IQCJ: variants seen among roughly 807,000 people sequenced by gnomAD.
IQCJ encodes IQ motif containing J, also known as IQ domain-containing protein J.
A neutral mutation model predicts 11.0 loss-of-function variants in IQCJ; 9 were observed. The ratio of observed to expected loss-of-function variants is 0.82; its 90% CI spans 0.49 to 1.43. The LOEUF (loss-of-function observed/expected upper bound fraction) is 1.43. IQCJ is among the 40% of genes most tolerant of loss of function. The probability of loss-of-function intolerance (pLI) is 0.00; values close to 1 mark genes in which losing one functional copy is unlikely to be tolerated. For synonymous variants in IQCJ, 55 were observed against 51.3 expected (o/e 1.07, Z -0.31); for missense variants, 146 against 133.2 (o/e 1.10, Z -0.47).
At chr3:159,144,641 TACAC>T in intron 1 of IQCJ, among the ~76,000 whole-genome samples, 1 of 82,734 alleles carries the variant, frequency 1.2e-5, no homozygotes, top group East Asian at 6.5e-4. Context: ...TATCTAGACG[TACAC>T]ACACATACAC....
At chr3:159,234,186 C>T (rs1323965665) in intron 1 of IQCJ, among the ~76,000 whole-genome samples, 4 of 152,006 alleles carry the variant, frequency 2.6e-5, no homozygotes, top group African/African-American at 9.7e-5. Flanking sequence ...TTTTCTTATC[C>T]AAGAAATGGG....
intron 1 of IQCJ, among the ~76,000 whole-genome samples, chr3:159,215,964 A>C (rs906347536): frequency 5.9e-5 from 9 of 151,946 alleles, no homozygotes; most frequent in Non-Finnish European, 1.3e-4. Flanking sequence ...ACATTATATT[A>C]GGAAATGTCT....
At chr3:159,206,802 A>G (rs1426041593) in intron 1 of IQCJ, among the ~76,000 whole-genome samples, 1 of 152,144 alleles carries the variant, frequency 6.6e-6, no homozygotes, top group Non-Finnish European at 1.5e-5. Flanking sequence ...CAACCAAAGA[A>G]CTCTGATAGC....
chr3:159,256,243 GCT>G (rs1491570868), intron 3 of IQCJ, among the ~76,000 whole-genome samples: 3 of 152,060 alleles, frequency 2.0e-5, no homozygotes, highest in Non-Finnish European at 4.4e-5. Flanking sequence ...AATACAAATT[GCT>G]TTTTTGAAAG....
chr3:159,142,233 T>G (rs1322644270), intron 1 of IQCJ, among the ~76,000 whole-genome samples: 2 of 152,166 alleles, frequency 1.3e-5, no homozygotes, highest in Non-Finnish European at 2.9e-5. Flanking sequence ...GAACTGAACA[T>G]GGTAAATCTA....
chr3:159,178,792 A>G (rs1304690253), intron 1 of IQCJ, among the ~76,000 whole-genome samples: 1 of 152,128 alleles, frequency 6.6e-6, no homozygotes, highest in East Asian at 1.9e-4. Context: ...GTTGTAGGAG[A>G]AAACAGGAGG....
intron 1 of IQCJ, among the ~76,000 whole-genome samples, chr3:159,095,098 A>T (rs1432512709): frequency 6.6e-6 from 1 of 151,804 alleles, no homozygotes; most frequent in Non-Finnish European, 1.5e-5. Flanking sequence ...TTCTATAGTT[A>T]TTATTATACT....
At chr3:159,241,061 T>TA (rs1482166024) in intron 1 of IQCJ, among the ~76,000 whole-genome samples, 2 of 152,114 alleles carry the variant, frequency 1.3e-5, no homozygotes, top group Non-Finnish European at 2.9e-5. Context: ...TTTACTTGTA[T>TA]AAAAAACAAC....
At chr3:159,216,265 T>C (rs1725229285) in intron 1 of IQCJ, among the ~76,000 whole-genome samples, 2 of 152,140 alleles carry the variant, frequency 1.3e-5, no homozygotes, top group Admixed American at 6.5e-5. Context: ...TCCTTCTTTT[T>C]AAATTGTCTG....
At chr3:159,083,599 C>T (rs2108062619) in intron 1 of IQCJ, among the ~76,000 whole-genome samples, 1 of 152,230 alleles carries the variant, frequency 6.6e-6, no homozygotes, top group South Asian at 2.1e-4. Context: ...AGTATAATTG[C>T]ACTGTTGGAC....
intron 1 of IQCJ, among the ~76,000 whole-genome samples, chr3:159,070,831 G>A (rs905638028): frequency 6.6e-6 from 1 of 151,952 alleles, no homozygotes; most frequent in African/African-American, 2.4e-5. Context: ...CTTGTTAAGT[G>A]GAGCAGATTA....
At chr3:159,150,944 G>T (rs375171386) in intron 1 of IQCJ, among the ~76,000 whole-genome samples, 3 of 152,264 alleles carry the variant, frequency 2.0e-5, no homozygotes, top group East Asian at 3.9e-4. Context: ...ATTGCAGCCC[G>T]TGCCATCCCC....
At chr3:159,205,846 G>T (rs1724629003) in intron 1 of IQCJ, among the ~76,000 whole-genome samples, 1 of 152,138 alleles carries the variant, frequency 6.6e-6, no homozygotes, top group Non-Finnish European at 1.5e-5. Context: ...ATTATAAAAT[G>T]CTTCAAGTTT....
At chr3:159,095,950 A>G (rs1411804627) in intron 1 of IQCJ, among the ~76,000 whole-genome samples, 3 of 8,682 alleles carry the variant, frequency 3.5e-4, no homozygotes, top group African/African-American at 1.8e-3. Context: ...ACTGACTTCC[A>G]CAATGGTTGA....
chr3:159,199,210 G>A (rs1246707443), intron 1 of IQCJ, among the ~76,000 whole-genome samples: 34 of 152,172 alleles, frequency 2.2e-4, no homozygotes, highest in Non-Finnish European at 1.5e-5. Flanking sequence ...CTAAGACCAG[G>A]AGATTATTCT....
chr3:159,190,474 G>A (rs2108038471), intron 1 of IQCJ, among the ~76,000 whole-genome samples: 1 of 152,326 alleles, frequency 6.6e-6, no homozygotes, highest in African/African-American at 2.4e-5. Context: ...GTGTTAAGGT[G>A]AAGCTGAGGA....
At chr3:159,212,278 G>A (rs1724998143) in intron 1 of IQCJ, among the ~76,000 whole-genome samples, 1 of 152,130 alleles carries the variant, frequency 6.6e-6, no homozygotes, top group African/African-American at 2.4e-5. Flanking sequence ...GAGTACTTGT[G>A]TTTGAGTCCT....
chr3:159,168,954 A>G (rs1394928338), intron 1 of IQCJ, among the ~76,000 whole-genome samples: 2 of 141,010 alleles, frequency 1.4e-5, no homozygotes, highest in Non-Finnish European at 3.1e-5. Flanking sequence ...CATCATTCTC[A>G]TGACGATGAA....
intron 1 of IQCJ, among the ~76,000 whole-genome samples, chr3:159,142,428 C>A (rs1374304701): frequency 6.1e-5 from 5 of 82,418 alleles, no homozygotes; most frequent in East Asian, 4.0e-4. Context: ...TCTTTTCCCC[C>A]CCCCACCAGA....
Sources: gnomAD v4.1 joint callset for allele counts (sites outside exome capture counted in the v4.1 genomes callset) on GRCh38, gnomAD v4.1.1 for gene constraint, MANE v1.5 for transcripts, NCBI Gene and HGNC (gene_info 2026-07-23, HGNC 2026-07-21) for gene names.